The following PEX14 variants were observed in gnomAD, a reference collection of about 807,000 sequenced individuals.
PEX14 encodes peroxisomal biogenesis factor 14.
PEX14 carries 15 observed loss-of-function variants against 49.5 expected under a neutral mutation model. The observed-to-expected ratio is 0.30, with a 90% CI of 0.20 to 0.47. The LOEUF (loss-of-function observed/expected upper bound fraction) is 0.47. PEX14 is among the 20% of genes least tolerant of loss of function. PEX14 has a pLI of 1.00. For synonymous variants in PEX14, 210 were observed against 212.7 expected (o/e 0.99, Z 0.11); for missense variants, 398 against 494.8 (o/e 0.80, Z 1.86).
At chr1:10,537,955 G>A (rs906293450) in intron 3 of PEX14, among the ~76,000 whole-genome samples, 2 of 152,014 alleles carry the variant, frequency 1.3e-5, no homozygotes, top group East Asian at 1.9e-4. Flanking sequence ...ATTATGATTC[G>A]TTGCTCCTTT....
In PEX14 at chr1:10,628,036, C is replaced by T. The variant is rs540557338; in HGVS notation, c.677+673C>T. 8.9e-4 allele frequency among the ~76,000 whole-genome samples: 135 copies of T among 152,188 alleles called. 1 individual carries two copies. In the South Asian group the frequency reaches 0.018, roughly 20 times the overall value. On this transcript the variant is annotated intron_variant, in intron 8 of 8. Coordinates refer to ENST00000356607, the MANE Select transcript of PEX14 (RefSeq NM_004565.3). This position sits in a 1 kb window ranked among gnomAD's most constrained non-coding sequence, Gnocchi z 4.5. ...CTGCAACCTCTGCCTCCCGGGTTCA[C>T]GCCATTCTCCTGCCTCAGCCTCCCG...
At chr1:10,509,601 T>C (rs1641848888) in intron 2 of PEX14, among the ~76,000 whole-genome samples, 1 of 152,186 alleles carries the variant, frequency 6.6e-6, no homozygotes, top group East Asian at 1.9e-4. Context: ...GCGGGCTCCA[T>C]CAGGTGGGGG....
intron 3 of PEX14, among the ~76,000 whole-genome samples, chr1:10,548,685 G>A (rs1639247386): frequency 6.6e-6 from 1 of 152,160 alleles, no homozygotes. Context: ...ACTATAGATA[G>A]GCTTGCTAGG....
In PEX14 at chr1:10,495,028, C is replaced by T; in HGVS notation, c.37-246C>T. The T allele has an allele frequency of 1.2e-6, 1 of 834,348 alleles. No homozygotes were observed. Among genetic ancestry groups the T allele is most frequent in the Middle Eastern group, 6.1e-4 (1 of 1,650 alleles). 51.7% of individuals were successfully genotyped at this position (834,348 alleles called of 1,614,324 possible). A position where few individuals can be genotyped will look rare whatever the true frequency, so the allele number is the denominator to read the frequency against. ...GTGGGCCTTCCTGAGCAGAACCAAGCCTTGTTCTTGGAGTGGTGTGACAAG... is the reference window on the plus strand; with the variant it reads ...GTGGGCCTTCCTGAGCAGAACCAAGTCTTGTTCTTGGAGTGGTGTGACAAG... On this transcript the variant is annotated intron_variant, in intron 1 of 8. Transcript: ENST00000356607. The surrounding 1 kb of genome is among the most constrained non-coding windows in gnomAD (Gnocchi z 4.2).
Position 10,495,424 on chromosome 1 carries a change from T to A in PEX14, c.84+103T>A. The A allele has an allele frequency of 1.1e-6, 1 of 928,174 alleles. No homozygotes were observed. Among genetic ancestry groups the A allele is most frequent in the Non-Finnish European group, 1.7e-6 (1 of 580,988 alleles). 57.5% of individuals were successfully genotyped at this position (928,174 alleles called of 1,614,324 possible). Reference sequence around the variant, plus strand: ...TGGTTCTGCGTCAGTAGTGTCCCTTTAAAAGTAGCTGTTACCTAGAGACTG... The same window carrying A: ...TGGTTCTGCGTCAGTAGTGTCCCTTAAAAAGTAGCTGTTACCTAGAGACTG... On this transcript the variant is annotated intron_variant, in intron 2 of 8. Transcript: ENST00000356607. This position sits in a 1 kb window ranked among gnomAD's most constrained non-coding sequence, Gnocchi z 4.2.
At chr1:10,549,703 G>C (rs907050802) in intron 3 of PEX14, among the ~76,000 whole-genome samples, 1 of 152,212 alleles carries the variant, frequency 6.6e-6, no homozygotes, top group Non-Finnish European at 1.5e-5. Flanking sequence ...AGAATATTGT[G>C]TTGGTTGAAC....
chr1:10,606,792 A>G (rs1248714277), intron 4 of PEX14, among the ~76,000 whole-genome samples: 2 of 152,252 alleles, frequency 1.3e-5, no homozygotes, highest in African/African-American at 4.8e-5. Context: ...ACCACTGGGT[A>G]GTGTTCCCAA....
intron 2 of PEX14, chr1:10,535,938 A>G (rs1406810109): frequency 4.6e-6 from 2 of 435,298 alleles, no homozygotes; most frequent in Admixed American, 3.4e-5. Flanking sequence ...ATCAGCTCGA[A>G]TGGAGATCAG....
Position 10,512,897 on chromosome 1 carries a change from T to C in PEX14, c.84+17576T>C, listed in dbSNP as rs929223378. Among the ~76,000 whole-genome samples the C allele has an allele frequency of 1.3e-5, 2 of 152,058 alleles. No individual in the cohort carries two copies. The highest frequency in any genetic ancestry group is 4.8e-5 in the African/African-American group (2 of 41,408). ...TATTTTTAGTAGAGATGAGGTTTCA[T>C]CGTGTTAGCTGGGATGGTCTGGATC... On this transcript the variant is annotated intron_variant, in intron 2 of 8. Transcript: ENST00000356607. This position sits in a 1 kb window ranked among gnomAD's most constrained non-coding sequence, Gnocchi z 4.6.
At chr1:10,592,876 G>T (rs1402103784) in intron 3 of PEX14, among the ~76,000 whole-genome samples, 1 of 152,152 alleles carries the variant, frequency 6.6e-6, no homozygotes, top group Non-Finnish European at 1.5e-5. Context: ...TTCTGGGCTC[G>T]CCTGCTGTTG....
At chr1:10,531,780 G>A (rs556481329) in intron 2 of PEX14, among the ~76,000 whole-genome samples, 1 of 152,288 alleles carries the variant, frequency 6.6e-6, no homozygotes, top group South Asian at 2.1e-4. Flanking sequence ...TGTCACTGGA[G>A]ACAATGCATC....
intron 1 of PEX14, among the ~76,000 whole-genome samples, chr1:10,493,091 CAG>C (rs546855186): frequency 6.5e-4 from 99 of 152,220 alleles, no homozygotes; most frequent in African/African-American, 2.2e-3. Flanking sequence ...GTGCGTCTGT[CAG>C]GGGGCAGAAG....
chr1:10,479,460 C>T (rs1641247618), intron 1 of PEX14, among the ~76,000 whole-genome samples: 2 of 152,190 alleles, frequency 1.3e-5, no homozygotes, highest in African/African-American at 4.8e-5. Flanking sequence ...GCTGATCTCT[C>T]ATTGAAGTCC....
intron 3 of PEX14, among the ~76,000 whole-genome samples, chr1:10,567,974 TTATGTCTTTCAG>T (rs1639855880): frequency 6.6e-6 from 1 of 152,212 alleles, no homozygotes; most frequent in African/African-American, 2.4e-5. Context: ...TATTCTTTCA[TTATGTCTTTCAG>T]CCAGTTCTTT....
intron 3 of PEX14, among the ~76,000 whole-genome samples, chr1:10,560,207 G>A (rs1206254350): frequency 2.0e-5 from 3 of 151,510 alleles, no homozygotes; most frequent in Non-Finnish European, 4.4e-5. Context: ...ACAGGCGCCC[G>A]CCACCATGCC....
intron 3 of PEX14, among the ~76,000 whole-genome samples, chr1:10,577,529 C>CGT (rs1640157498): frequency 2.3e-5 from 1 of 43,014 alleles, no homozygotes; most frequent in Non-Finnish European, 3.7e-5. Flanking sequence ...GGACACTATA[C>CGT]ATATATATAT....
chr1:10,491,624 C>CCCA (rs1417176353), intron 1 of PEX14, among the ~76,000 whole-genome samples: 1 of 151,308 alleles, frequency 6.6e-6, no homozygotes, highest in Non-Finnish European at 1.5e-5. Context: ...ATTGTACCCT[C>CCCA]CCAGAGTGCT....
At chr1:10,605,583 C>G in intron 4 of PEX14, among the ~76,000 whole-genome samples, 1 of 152,270 alleles carries the variant, frequency 6.6e-6, no homozygotes. Context: ...AGCAAAGGCC[C>G]GGGGCCAGGG....
chr1:10,496,728 G>C (rs1057131398), intron 2 of PEX14, among the ~76,000 whole-genome samples: 10 of 151,636 alleles, frequency 6.6e-5, no homozygotes, highest in Admixed American at 5.9e-4. Context: ...TCTGTGCCCT[G>C]CTCTTCCTGC....
Sources: gnomAD v4.1 joint callset for allele counts (sites outside exome capture counted in the v4.1 genomes callset) on GRCh38, gnomAD v4.1.1 for gene constraint, Gnocchi (gnomAD v3.1) non-coding constraint, MANE v1.5 for transcripts, NCBI Gene and HGNC (gene_info 2026-07-23, HGNC 2026-07-21) for gene names.